Variants in LASP1 observed in about 807,000 individuals in gnomAD.
The protein encoded by LASP1 is LIM and SH3 domain protein 1.
Under a neutral mutation model 38.6 loss-of-function variants are expected in LASP1, and 10 were observed. The observed-to-expected ratio is 0.26, with a 90% CI of 0.16 to 0.44. The LOEUF is 0.44. Among genes scored for constraint, LASP1 ranks in the 20% least tolerant of loss-of-function variants. LASP1 has a pLI of 1.00. For missense variants in LASP1, 243 were observed against 375.7 expected (o/e 0.65, Z 2.92); for synonymous variants, 132 against 140.8 (o/e 0.94, Z 0.44).
chr17:38,900,537 G>A (rs576415287), intron 4 of LASP1, among the ~76,000 whole-genome samples: 10 of 152,252 alleles, frequency 6.6e-5, no homozygotes, highest in African/African-American at 2.2e-4. Flanking sequence ...GCTGGGCGTG[G>A]TGGCGTGTGC....
chr17:38,890,258 C>T (rs960233541), intron 2 of LASP1, 162 bp from the exon 3 acceptor site: 6 of 615,996 alleles, frequency 9.7e-6, no homozygotes, highest in African/African-American at 9.2e-5. Flanking sequence ...ACGCTTGTCT[C>T]CCCTCGGCCT....
At chr17:38,878,030 G>A (rs1913831022) in intron 1 of LASP1, 56 bp from the exon 2 acceptor site, 21 of 1,353,022 alleles carry the variant, frequency 1.6e-5, no homozygotes, top group Non-Finnish European at 2.1e-5. Flanking sequence ...TAGGGCCTGA[G>A]CCCCTTTTTC....
At chr17:38,907,822 A>G (rs748728574) in intron 4 of LASP1, among the ~76,000 whole-genome samples, 1 of 152,228 alleles carries the variant, frequency 6.6e-6, no homozygotes, top group Admixed American at 6.5e-5. Context: ...CCATGTGTCC[A>G]TACTTGCTTT....
intron 1 of LASP1, among the ~76,000 whole-genome samples, chr17:38,874,375 T>C (rs542389789): frequency 6.3e-4 from 96 of 152,294 alleles, no homozygotes; most frequent in Admixed American, 5.6e-3. Context: ...CCAGACCCCA[T>C]TGAGACAAGG....
At chr17:38,887,644 G>A (rs183253776) in intron 2 of LASP1, among the ~76,000 whole-genome samples, 39 of 152,304 alleles carry the variant, frequency 2.6e-4, no homozygotes, top group African/African-American at 9.1e-4. Context: ...AGGGCTGGGG[G>A]ACGGGCACCG....
chr17:38,899,046 C>T (rs1914570368), intron 4 of LASP1: 1 of 336,844 alleles, frequency 3.0e-6, no homozygotes, highest in Non-Finnish European at 5.9e-6. Context: ...CCCTGATGGT[C>T]AGTGGCATCT....
At chr17:38,914,772 T>A (rs759529870) in intron 5 of LASP1, among the ~76,000 whole-genome samples, 4 of 151,922 alleles carry the variant, frequency 2.6e-5, no homozygotes, top group African/African-American at 4.8e-5. Flanking sequence ...AGTTCCATTC[T>A]CATCCAGAAT....
intron 3 of LASP1, among the ~76,000 whole-genome samples, chr17:38,892,891 TGG>T (rs201422278): frequency 0.015 from 2,354 of 152,198 alleles, 73 homozygotes; most frequent in African/African-American, 0.054. Context: ...GGGGGCCTCT[TGG>T]GAGATGAAAA....
intron 4 of LASP1, among the ~76,000 whole-genome samples, chr17:38,909,150 T>A (rs1914855964): frequency 6.6e-6 from 1 of 152,212 alleles, no homozygotes; most frequent in African/African-American, 2.4e-5. Flanking sequence ...GTTTCTCTCC[T>A]TGTCCTGGTG....
intron 6 of LASP1, chr17:38,916,947 G>A (rs1229935057): frequency 1.3e-5 from 2 of 152,224 alleles, no homozygotes; most frequent in Non-Finnish European, 2.9e-5. Context: ...AGGACAGGAA[G>A]TGCAAAGGCT....
chr17:38,921,575 TGA>T lies in LASP1; in HGVS notation c.*2799_*2800del, dbSNP rs1027785575. On this transcript the variant is annotated 3_prime_UTR_variant, in exon 7 of 7. Coordinates refer to ENST00000318008, the MANE Select transcript of LASP1 (RefSeq NM_006148.4). Reference sequence around the variant, plus strand: ...TCATCCGTGTGTATGTGTATGTGTGTGAGTGTGTGAAGCCGCCAGTTCATCTT... The same window carrying T: ...TCATCCGTGTGTATGTGTATGTGTGTGTGTGTGAAGCCGCCAGTTCATCTT... 2.6e-5 allele frequency: 6 copies of T among 233,074 alleles called. No individual in the cohort carries two copies. The highest frequency in any genetic ancestry group is 5.1e-5 in the Non-Finnish European group (6 of 117,840). 14.4% of individuals were successfully genotyped at this position (233,074 alleles called of 1,614,324 possible). A position where few individuals can be genotyped will look rare whatever the true frequency, so the allele number is the denominator to read the frequency against.
In LASP1 at chr17:38,898,417, C is replaced by T. The variant is rs1352725525; in HGVS notation, c.255C>T (p.Arg85=). Residue 85 remains arginine, a synonymous_variant, in exon 4 of 7, where the codon CGC becomes CGT. Coordinates refer to ENST00000318008, the MANE Select transcript of LASP1 (RefSeq NM_006148.4). ...KQQSELQSQV[R]YKEEFEKNKG... The stretch of plus-strand genomic sequence containing the variant: ...CTCTTCCTCCCCTCCTGCAGGTGCG[C>T]TACAAGGAGGAGTTTGAGAAGAACA... 5.8e-6 allele frequency: 9 copies of T among 1,547,600 alleles called. No homozygotes were observed. The highest frequency in any genetic ancestry group is 3.3e-4 in the Middle Eastern group (2 of 5,998).
intron 1 of LASP1, among the ~76,000 whole-genome samples, chr17:38,874,617 C>T (rs185496813): frequency 6.2e-4 from 95 of 152,316 alleles, no homozygotes; most frequent in Admixed American, 5.7e-3. Context: ...CCTGACCTTC[C>T]AGCACTCTGG....
Position 38,870,222 on chromosome 17 carries a change from C to T in LASP1, c.33C>T (p.Ile11=). The T allele has an allele frequency of 6.2e-7, 1 of 1,613,934 alleles. No individual in the cohort carries two copies. The highest frequency in any genetic ancestry group is 1.3e-5 in the African/African-American group (1 of 75,064). ...CCAACTGCGCCCGGTGCGGCAAGAT[C>T]GTGTATCCCACGGAGAAGGTGAACT... MNPNCARCGK[I]VYPTEKVNCL... is the part of the protein sequence containing the mutation. Residue 11 remains isoleucine (I), a synonymous_variant, in exon 1 of 7, where the codon ATC becomes ATT. Coordinates refer to ENST00000318008, the MANE Select transcript of LASP1 (RefSeq NM_006148.4).
At chr17:38,874,711 G>A (rs1413813705) in intron 1 of LASP1, among the ~76,000 whole-genome samples, 1 of 152,118 alleles carries the variant, frequency 6.6e-6, no homozygotes, top group South Asian at 2.1e-4. Context: ...CCTGCAGGGG[G>A]ACAGGCGACC....
chr17:38,915,201 G>T, intron 6 of LASP1, 55 bp downstream of exon 6: 2 of 1,409,434 alleles, frequency 1.4e-6, no homozygotes, highest in Non-Finnish European at 2.0e-6. Context: ...CTTCGGGAAG[G>T]CTTGGACACA....
intron 3 of LASP1, among the ~76,000 whole-genome samples, chr17:38,893,587 G>T (rs1228224749): frequency 6.6e-6 from 1 of 152,164 alleles, no homozygotes; most frequent in African/African-American, 2.4e-5. Context: ...AAAGGGTACT[G>T]CCCTTTTTGC....
intron 4 of LASP1, among the ~76,000 whole-genome samples, chr17:38,900,319 A>G (rs1380932466): frequency 2.7e-5 from 4 of 148,252 alleles, no homozygotes; most frequent in Non-Finnish European, 5.9e-5. Flanking sequence ...GTTTGAGGTT[A>G]TAGTGAGCCG....
intron 4 of LASP1, among the ~76,000 whole-genome samples, chr17:38,900,634 C>T (rs1031631383): frequency 6.6e-6 from 1 of 152,112 alleles, no homozygotes; most frequent in Non-Finnish European, 1.5e-5. Flanking sequence ...GATCGGGCCA[C>T]TGCACTCCAG....
Sources: gnomAD v4.1 joint callset for allele counts (sites outside exome capture counted in the v4.1 genomes callset) on GRCh38, gnomAD v4.1.1 for gene constraint, MANE v1.5 for transcripts, NCBI Gene and HGNC (gene_info 2026-07-23, HGNC 2026-07-21) for gene names.